The following DAXX variants were observed in gnomAD, a reference collection of about 807,000 sequenced individuals.
DAXX encodes death domain-associated protein 6.
Under a neutral mutation model 61.9 loss-of-function variants are expected in DAXX, and 24 were observed. The ratio of observed to expected loss-of-function variants is 0.39; its 90% confidence interval spans 0.28 to 0.55. The LOEUF (loss-of-function observed/expected upper bound fraction) is 0.55. DAXX is among the 20% of genes least tolerant of loss of function. DAXX has a pLI of 0.69. For synonymous variants in DAXX, 357 were observed against 369.5 expected, an observed-to-expected ratio of 0.97 and a Z score of 0.39; for missense variants, 819 against 935.3, an observed-to-expected ratio of 0.88 and a Z score of 1.62.
Position 33,321,687 on chromosome 6 carries a change from G to T in DAXX, c.207+32C>A. 1 of 1,607,602 alleles carries T rather than the reference G, an allele frequency of 6.2e-7. No homozygotes were observed. ...GAACCAGTCAGCCATCCCCCTCCCT[G>T]GGGTACAACAATCTTCCCCGCTAAA... On this transcript the variant is annotated intron_variant, in intron 2 of 7. Transcript: ENST00000374542. The surrounding 1 kb of genome is among the most constrained non-coding windows in gnomAD (Gnocchi z 7.2).
chr6:33,322,627 A>G, intron 1 of DAXX: 1 of 312,838 alleles, frequency 3.2e-6, no homozygotes, highest in Non-Finnish European at 6.2e-6. Context: ...GTCCCCCCGC[A>G]CCGCGCTACG....
rs772296848 is a variant in DAXX, at chr6:33,320,169, T to C, written c.1307A>G (p.Asp436Gly). The change falls in exon 5 of 8, where the codon GAT (aspartate) becomes GGT (glycine). Residue 436 changes from aspartate (D) to glycine (G), a missense_variant. Transcript: ENST00000374542. This position sits in a 1 kb window ranked among gnomAD's most constrained non-coding sequence, Gnocchi z 7.1. Reference sequence around the variant, plus strand: ...ATCACTCTCCTCATCGTCTTCGTCATCTGTCTCAGCTCTGGAGGCAGAAGG... The same window carrying C: ...ATCACTCTCCTCATCGTCTTCGTCACCTGTCTCAGCTCTGGAGGCAGAAGG... ...GCPSASRAET[D>G]DEDDEESDEE... 1.1e-5 allele frequency: 17 copies of C among 1,613,952 alleles called. No individual in the cohort carries two copies. The highest frequency in any genetic ancestry group is 1.4e-5 in the Non-Finnish European group (16 of 1,179,960).
Position 33,321,152 on chromosome 6 carries a change from T to A in DAXX, c.623A>T (p.Lys208Met). ...ATCCAATTCTGAGAGATCCAACTCCTTTTCCTGCAGCCGCCGGATCTCTGC... is the reference window on the plus strand; with the variant it reads ...ATCCAATTCTGAGAGATCCAACTCCATTTCCTGCAGCCGCCGGATCTCTGC... ...YVAEIRRLQE[K>M]ELDLSELDDP... is the part of the protein sequence containing the mutation. The change falls in exon 3 of 8, where the codon AAG (lysine) becomes ATG (methionine). Residue 208 changes from lysine to methionine, a missense_variant. Transcript: ENST00000374542. This position sits in a 1 kb window ranked among gnomAD's most constrained non-coding sequence, Gnocchi z 7.2. 2 of 1,613,348 alleles carry A rather than the reference T, an allele frequency of 1.2e-6. No individual in the cohort carries two copies. Among genetic ancestry groups the A allele is most frequent in the Non-Finnish European group, 8.5e-7 (1 of 1,179,290 alleles).
Position 33,320,263 on chromosome 6 carries a change from C to T in DAXX, c.1252-39G>A, listed in dbSNP as rs780907785. On this transcript the variant is annotated intron_variant, in intron 4 of 7. Transcript: ENST00000374542. The surrounding 1 kb of genome is among the most constrained non-coding windows in gnomAD (Gnocchi z 7.1). ...AAGTTTCTCTAAGGAATCCCTTGCC[C>T]CAGAGGGTTTGGTTCTTGCTTTCCT... The T allele has an allele frequency of 1.9e-6, 3 of 1,540,170 alleles. No individual in the cohort carries two copies. The South Asian group carries it at 3.3e-5, about 17-fold the overall frequency.
chr6:33,320,929 G>A lies in DAXX; in HGVS notation c.846C>T (p.Thr282=), dbSNP rs1770511102. The A allele has an allele frequency of 1.2e-6, 2 of 1,614,176 alleles. No individual in the cohort carries two copies. Among genetic ancestry groups the A allele is most frequent in the Non-Finnish European group, 8.5e-7 (1 of 1,179,998 alleles). ...ERLINKPGPD[T]FPDYGDVLRA... is the part of the protein sequence containing the mutation. ...GAAGCACATCCCCATAGTCAGGGAA[G>A]GTATCAGGCCCTGGCTTGTTGATGA... The change falls in exon 3 of 8, where the codon ACC becomes ACT. Residue 282 remains threonine, a synonymous_variant. Coordinates refer to ENST00000374542, the MANE Select transcript of DAXX (RefSeq NM_001141969.2). This position sits in a 1 kb window ranked among gnomAD's most constrained non-coding sequence, Gnocchi z 7.1.
intron 1 of DAXX, 31 bp downstream of exon 1, chr6:33,322,831 G>A (rs756221249): frequency 5.7e-6 from 2 of 352,242 alleles, no homozygotes; most frequent in Non-Finnish European, 9.9e-6. Context: ...CCCCGCCCCC[G>A]CCTCTGATCC....
chr6:33,321,379 A>G lies in DAXX; in HGVS notation c.396T>C (p.Thr132=). Residue 132 remains threonine (T), a synonymous_variant, in exon 3 of 8, where the codon ACT becomes ACC. Transcript: ENST00000374542. The surrounding 1 kb of genome is among the most constrained non-coding windows in gnomAD (Gnocchi z 7.2). ...TTTTGGCTGAGTGGGCCTTGAGAAC[A>G]GTGCAGAGCTCATTGATGTAGACAT... ...KLYVYINELC[T]VLKAHSAKKK... is the part of the protein sequence containing the mutation. 3 of 1,613,904 alleles carry G rather than the reference A, an allele frequency of 1.9e-6. No individual in the cohort carries two copies. Among genetic ancestry groups the G allele is most frequent in the Non-Finnish European group, 1.7e-6 (2 of 1,179,810 alleles).
In DAXX at chr6:33,319,033, G is replaced by T; in HGVS notation, c.2127C>A (p.Thr709=). The T allele has an allele frequency of 6.2e-7, 1 of 1,613,732 alleles. No individual in the cohort carries two copies. Among genetic ancestry groups the T allele is most frequent in the Non-Finnish European group, 8.5e-7 (1 of 1,180,012 alleles). Residue 709 remains threonine, a synonymous_variant, in exon 7 of 8, where the codon ACC becomes ACA. Transcript: ENST00000374542. ...CAGGCCGAGGAGGCTGTGAATGGGGGGTTTGGGACAGCCGGGCTGGAGAAG... is the reference window on the plus strand; with the variant it reads ...CAGGCCGAGGAGGCTGTGAATGGGGTGTTTGGGACAGCCGGGCTGGAGAAG... ...CIPSPARLSQ[T]PHSQPPRPGT...
chr6:33,321,938 C>G lies in DAXX; in HGVS notation c.-13G>C. ...TAGCGGTGGCCATAGGGGATCAAAT[C>G]CCCCGGAGGGAGGAAGTGGTGGGGA... On this transcript the variant is annotated 5_prime_UTR_variant, in exon 2 of 8. Transcript: ENST00000374542. This position sits in a 1 kb window ranked among gnomAD's most constrained non-coding sequence, Gnocchi z 7.2. 1 of 1,599,644 alleles carries G rather than the reference C, an allele frequency of 6.3e-7. No homozygotes were observed. Among genetic ancestry groups the G allele is most frequent in the Non-Finnish European group, 8.5e-7 (1 of 1,171,746 alleles).
rs765510694 is a variant in DAXX, at chr6:33,322,897, A to G, written c.-88T>C. Reference sequence around the variant, plus strand: ...GTCTCTCGAGGCGACCCTCGCCGCAATTCTCAGAACCTCGCATGGTTCCCT... The same window carrying G: ...GTCTCTCGAGGCGACCCTCGCCGCAGTTCTCAGAACCTCGCATGGTTCCCT... On this transcript the variant is annotated 5_prime_UTR_variant, in exon 1 of 8. Transcript: ENST00000374542. 4.2e-6 allele frequency: 6 copies of G among 1,440,564 alleles called. No individual in the cohort carries two copies. Among genetic ancestry groups the G allele is most frequent in the South Asian group, 3.4e-5 (3 of 88,592 alleles). 89.2% of individuals were successfully genotyped at this position (1,440,564 alleles called of 1,614,324 possible). A position where few individuals can be genotyped will look rare whatever the true frequency, so the allele number is the denominator to read the frequency against.
rs1159355247 is a variant in DAXX at position 33,319,462 on chromosome 6, G to A, written c.1858C>T (p.His620Tyr). ...GGGGGACCAGAATCTCCCCAGTTGT[G>A]AGGAGAGACGCCTCCATTGAAGGAA... Reference protein sequence around the residue: ...STSFNGGVSPHNWGDSGPPCK... With the variant: ...STSFNGGVSPYNWGDSGPPCK... The change falls in exon 6 of 8, where the codon CAC becomes TAC. Residue 620 changes from histidine to tyrosine, a missense_variant. Transcript: ENST00000374542. 7 of 1,613,756 alleles carry A rather than the reference G, an allele frequency of 4.3e-6. No homozygotes were observed. In the South Asian group the frequency reaches 7.7e-5, roughly 18 times the overall value.
chr6:33,319,329 T>G, intron 6 of DAXX, 51 bp downstream of exon 6: 1 of 1,576,476 alleles, frequency 6.3e-7, no homozygotes, highest in Non-Finnish European at 8.6e-7. Flanking sequence ...TCTCCGAAAG[T>G]CCCCTGCAAT....
chr6:33,319,941 G>T, intron 5 of DAXX, 70 bp downstream of exon 5: 3 of 1,605,574 alleles, frequency 1.9e-6, no homozygotes. Context: ...GGAAGGGAAA[G>T]GTTTCAAACA....
rs2150986850 is a variant in DAXX, at chr6:33,319,012, C to T, written c.2148G>A (p.Arg716=). ...LSQTPHSQPP[R]PGTCKTSVAT... ...CCCTTCTTACCTTGCAAGTACCAGG[C>T]CGAGGAGGCTGTGAATGGGGGGTTT... The change falls in exon 7 of 8, where the codon CGG becomes CGA. Residue 716 remains arginine (R), a synonymous_variant. Transcript: ENST00000374542. 1 of 1,613,086 alleles carries T rather than the reference C, an allele frequency of 6.2e-7. No individual in the cohort carries two copies. Among genetic ancestry groups the T allele is most frequent in the Non-Finnish European group, 8.5e-7 (1 of 1,179,810 alleles).
intron 1 of DAXX, 54 bp downstream of exon 1, chr6:33,322,808 T>G: frequency 1.2e-6 from 1 of 816,064 alleles, no homozygotes; most frequent in Non-Finnish European, 1.9e-6. Context: ...CCCCAATACC[T>G]CTCCCTCTAT....
In DAXX at chr6:33,322,910, C is replaced by T; in HGVS notation, c.-101G>A. On this transcript the variant is annotated 5_prime_UTR_variant, in exon 1 of 8. Transcript: ENST00000374542. ...ACCCTCGCCGCAATTCTCAGAACCT[C>T]GCATGGTTCCCTCCGCCTTCCTTCC... is the stretch of plus-strand genomic sequence containing the variant. 3.5e-6 allele frequency: 5 copies of T among 1,437,666 alleles called. No individual in the cohort carries two copies. The highest frequency in any genetic ancestry group is 3.0e-5 in the East Asian group (1 of 33,226). The allele number at this position is 1,437,666 out of a possible 1,614,324, so 89.1% of individuals were successfully genotyped here.
rs1770506108 is a variant in DAXX, at chr6:33,320,890, C to T, written c.885G>A (p.Lys295=). ...DYGDVLRAVE[K]AAARHSLGLP... ...GGCCAAGGCTGTGTCGGGCAGCTGC[C>T]TTCTCTACAGCCCGAAGCACATCCC... The change falls in exon 3 of 8, where the codon AAG becomes AAA. Residue 295 remains lysine (K), a synonymous_variant. Coordinates refer to ENST00000374542, the MANE Select transcript of DAXX (RefSeq NM_001141969.2). The surrounding 1 kb of genome is among the most constrained non-coding windows in gnomAD (Gnocchi z 7.1). 3 of 1,614,100 alleles carry T rather than the reference C, an allele frequency of 1.9e-6. No homozygotes were observed. The highest frequency in any genetic ancestry group is 2.5e-6 in the Non-Finnish European group (3 of 1,180,024).
At chr6:33,322,687 G>A (rs1464336650) in intron 1 of DAXX, 175 bp downstream of exon 1, 4 of 381,096 alleles carry the variant, frequency 1.0e-5, no homozygotes, top group Non-Finnish European at 2.0e-5. Context: ...CGGTCCGCTA[G>A]ATGCGCTTCC....
chr6:33,320,203 G>C lies in DAXX; in HGVS notation c.1273C>G (p.Gln425Glu), dbSNP rs201643113. The C allele has an allele frequency of 3.7e-6, 6 of 1,612,708 alleles. No individual in the cohort carries two copies. The highest frequency in any genetic ancestry group is 5.1e-6 in the Non-Finnish European group (6 of 1,178,790). The change falls in exon 5 of 8, where the codon CAG (glutamine) becomes GAG (glutamate). Residue 425 changes from glutamine to glutamate, a missense_variant. By Grantham distance (29) the Gln-to-Glu change is conservative. Transcript: ENST00000374542. This position sits in a 1 kb window ranked among gnomAD's most constrained non-coding sequence, Gnocchi z 7.1. ...GCTCTGGAGGCAGAAGGGCACCCCTGGGATGCCATTCCACTAGGGCCCTGG... is the reference window on the plus strand; with the variant it reads ...GCTCTGGAGGCAGAAGGGCACCCCTCGGATGCCATTCCACTAGGGCCCTGG... Reference protein sequence around the residue: ...SGEGPSGMASQGCPSASRAET... With the variant: ...SGEGPSGMASEGCPSASRAET...
Sources: allele counts gnomAD v4.1 joint callset, GRCh38; gene constraint gnomAD v4.1.1; non-coding constraint Gnocchi (gnomAD v3.1); transcripts MANE v1.5; gene names NCBI Gene and HGNC (gene_info 2026-07-23, HGNC 2026-07-21).